Variants in LUZP2 observed in about 807,000 individuals in gnomAD.
LUZP2 encodes leucine zipper protein 2.
In LUZP2, 52 loss-of-function variants were observed where a neutral mutation model predicts 51.6. That is an observed-to-expected ratio of 1.01 (90% CI 0.81 to 1.27). The LOEUF is 1.27. Among genes scored for constraint, LUZP2 ranks in the 50% most tolerant of loss-of-function variants. The pLI is 0.00. For missense variants in LUZP2, 436 were observed against 395.4 expected (o/e 1.10, Z -0.87); for synonymous variants, 154 against 137.3 (o/e 1.12, Z -0.85).
At chr11:24,732,632 G>A (rs996640664) in intron 3 of LUZP2, among the ~76,000 whole-genome samples, 13 of 151,546 alleles carry the variant, frequency 8.6e-5, no homozygotes, top group Non-Finnish European at 1.8e-4. Flanking sequence ...AGTAGAATCA[G>A]TACAATATTA....
Position 24,877,533 on chromosome 11 carries a change from A to G in LUZP2, c.397-28458A>G, listed in dbSNP as rs112551017. 8.5e-5 allele frequency among the ~76,000 whole-genome samples: 13 copies of G among 152,234 alleles called. 1 individual carries two copies. The highest frequency in any genetic ancestry group is 3.1e-4 in the African/African-American group (13 of 41,556). On this transcript the variant is annotated intron_variant, in intron 5 of 11. Coordinates refer to ENST00000336930, the MANE Select transcript of LUZP2 (RefSeq NM_001009909.4). ...TTAACAGAGGCATGCAATGTAAAGT[A>G]ATCACATCATGGAAAATGGGGTATC...
chr11:24,882,774 C>T (rs932281392), intron 5 of LUZP2, among the ~76,000 whole-genome samples: 17 of 93,376 alleles, frequency 1.8e-4, no homozygotes, highest in African/African-American at 4.2e-4. Context: ...TTTAGTGCAA[C>T]GGGAGAAGGA....
chr11:24,621,749 G>A (rs1485597681), intron 1 of LUZP2, among the ~76,000 whole-genome samples: 1 of 152,098 alleles, frequency 6.6e-6, no homozygotes, highest in East Asian at 1.9e-4. Flanking sequence ...TGCGGTATCT[G>A]CTTTCTCTTC....
chr11:24,854,039 G>A (rs887440776), intron 5 of LUZP2, among the ~76,000 whole-genome samples: 8 of 152,180 alleles, frequency 5.3e-5, no homozygotes, highest in African/African-American at 1.9e-4. Flanking sequence ...GAGCTCTCCT[G>A]TATGAGGTGT....
chr11:24,812,496 G>A (rs1183117107), intron 5 of LUZP2, among the ~76,000 whole-genome samples: 1 of 152,140 alleles, frequency 6.6e-6, no homozygotes, highest in Non-Finnish European at 1.5e-5. Flanking sequence ...TCTAGACTGA[G>A]CTTTTATTTC....
chr11:24,910,122 T>G (rs1426138812), intron 6 of LUZP2, among the ~76,000 whole-genome samples: 2 of 151,668 alleles, frequency 1.3e-5, no homozygotes, highest in Non-Finnish European at 2.9e-5. Flanking sequence ...TGCCCTAGAG[T>G]TCTGTGGAAC....
At chr11:24,584,422 A>G (rs992068197) in intron 1 of LUZP2, among the ~76,000 whole-genome samples, 1 of 152,120 alleles carries the variant, frequency 6.6e-6, no homozygotes, top group African/African-American at 2.4e-5. Context: ...TCAACCATTT[A>G]TTTCTGTTCA....
intron 5 of LUZP2, among the ~76,000 whole-genome samples, chr11:24,821,072 C>T (rs1416972653): frequency 6.6e-6 from 1 of 151,948 alleles, no homozygotes; most frequent in Non-Finnish European, 1.5e-5. Context: ...AATGATTTAT[C>T]GAAATCACTG....
At position 25,059,024 on chromosome 11, in the gene LUZP2, G is replaced by T. The variant is rs16913579; in HGVS notation, c.858+8894G>T. 5.2e-3 allele frequency among the ~76,000 whole-genome samples: 790 copies of T among 152,188 alleles called. 8 individuals are homozygous for T. Among genetic ancestry groups the T allele is most frequent in the African/African-American group, 0.017 (722 of 41,518 alleles). ...TTGTAATATTATAAAAATTTTGCTT[G>T]TTTTTAGCCTATAGCTTGTCCCATC... On this transcript the variant is annotated intron_variant, in intron 10 of 11. Coordinates refer to ENST00000336930, the MANE Select transcript of LUZP2 (RefSeq NM_001009909.4).
intron 5 of LUZP2, among the ~76,000 whole-genome samples, chr11:24,811,205 C>A (rs978347535): frequency 3.3e-5 from 5 of 152,100 alleles, no homozygotes; most frequent in African/African-American, 7.2e-5. Context: ...AGGCTAGCCA[C>A]CAAATTTAGA....
chr11:24,870,796 T>C (rs1002469305), intron 5 of LUZP2, among the ~76,000 whole-genome samples: 4 of 152,140 alleles, frequency 2.6e-5, no homozygotes, highest in African/African-American at 4.8e-5. Flanking sequence ...TTCATTCTAT[T>C]ATAATCTTCA....
intron 1 of LUZP2, among the ~76,000 whole-genome samples, chr11:24,660,714 AT>A (rs1385860948): frequency 6.6e-6 from 1 of 152,196 alleles, no homozygotes. Flanking sequence ...AAAACATTCG[AT>A]TAAGCAGAGT....
intron 6 of LUZP2, 127 bp downstream of exon 6, chr11:24,906,180 A>G: frequency 1.9e-6 from 1 of 515,886 alleles, no homozygotes; most frequent in Non-Finnish European, 3.3e-6. Flanking sequence ...TTAAATAGAA[A>G]AATATAATAT....
chr11:24,518,430 T>C (rs1360849325), intron 1 of LUZP2, among the ~76,000 whole-genome samples: 1 of 152,196 alleles, frequency 6.6e-6, no homozygotes, highest in African/African-American at 2.4e-5. Flanking sequence ...GCTAACAAGA[T>C]AACAAGCTAT....
At chr11:24,704,668 T>C (rs932390257) in intron 1 of LUZP2, among the ~76,000 whole-genome samples, 4 of 152,078 alleles carry the variant, frequency 2.6e-5, no homozygotes, top group Non-Finnish European at 5.9e-5. Flanking sequence ...CAACTGTTGT[T>C]ACAGAACCAT....
chr11:24,708,234 C>A (rs1857674876), intron 1 of LUZP2, among the ~76,000 whole-genome samples: 1 of 152,118 alleles, frequency 6.6e-6, no homozygotes, highest in Non-Finnish European at 1.5e-5. Context: ...GGTGAATATT[C>A]TTCCCTCAGC....
At chr11:25,018,055 T>TCTG (rs376857414) in intron 9 of LUZP2, among the ~76,000 whole-genome samples, 1 of 140,006 alleles carries the variant, frequency 7.1e-6, no homozygotes, top group Non-Finnish European at 1.5e-5. Context: ...TTTGTTTTTT[T>TCTG]TTTTGCAGCT....
intron 7 of LUZP2, among the ~76,000 whole-genome samples, chr11:24,972,927 A>C (rs1043650954): frequency 2.0e-5 from 3 of 152,036 alleles, no homozygotes; most frequent in Admixed American, 2.0e-4. Flanking sequence ...TGTCAGAATG[A>C]TGCTGACCTC....
At chr11:24,705,153 G>C (rs1857537786) in intron 1 of LUZP2, among the ~76,000 whole-genome samples, 1 of 151,706 alleles carries the variant, frequency 6.6e-6, no homozygotes, top group African/African-American at 2.4e-5. Flanking sequence ...CAATACCAAA[G>C]ATAGTAAAGT....
Sources: allele counts gnomAD v4.1 joint callset (sites outside exome capture counted in the v4.1 genomes callset), GRCh38; gene constraint gnomAD v4.1.1; transcripts MANE v1.5; gene names NCBI Gene and HGNC (gene_info 2026-07-23, HGNC 2026-07-21).